The following GRK2 variants were observed in gnomAD, a reference collection of about 807,000 sequenced individuals.
GRK2 encodes G protein-coupled receptor kinase 2.
A neutral mutation model predicts 97.8 loss-of-function variants in GRK2; 23 were observed. The ratio of observed to expected loss-of-function variants is 0.24; its 90% CI spans 0.17 to 0.33. The LOEUF (loss-of-function observed/expected upper bound fraction) is 0.33. Among genes scored for constraint, GRK2 ranks in the 10% least tolerant of loss-of-function variants. The pLI is 1.00. For synonymous variants in GRK2, 425 were observed against 381.7 expected, an observed-to-expected ratio of 1.11 and a Z score of -1.32; for missense variants, 633 against 956.9, an observed-to-expected ratio of 0.66 and a Z score of 4.47.
rs926039367 is a variant in GRK2, at chr11:67,283,514, T to G, written c.1329-193T>G. ...CATTTATTAAGCACTGGGCATAGGG[T>G]TGCAAAATTTACCAGTGTTAAAACC... On this transcript the variant is annotated intron_variant, in intron 15 of 20. Coordinates refer to ENST00000308595, the MANE Select transcript of GRK2 (RefSeq NM_001619.5). The G allele has an allele frequency of 9.5e-6, 6 of 631,742 alleles. No homozygotes were observed. The African/African-American group carries it at 1.1e-4, about 12-fold the overall frequency. The allele number at this position is 631,742 out of a possible 1,614,324, so 39.1% of individuals were successfully genotyped here. A position where few individuals can be genotyped will look rare whatever the true frequency, so the allele number is the denominator to read the frequency against.
intron 6 of GRK2, chr11:67,280,277 C>T (rs1860121072): frequency 2.6e-6 from 1 of 384,192 alleles, no homozygotes; most frequent in Non-Finnish European, 4.8e-6. Flanking sequence ...CCCCGTGACC[C>T]TCACAGCCAG....
At chr11:67,280,518 G>A (rs1033912709) in intron 6 of GRK2, 9 of 606,502 alleles carry the variant, frequency 1.5e-5, no homozygotes, top group Non-Finnish European at 2.3e-5. Context: ...CCAGGTGGCC[G>A]AGGGCCATGC....
intron 6 of GRK2, chr11:67,280,183 G>T: frequency 2.0e-6 from 1 of 507,066 alleles, no homozygotes. Flanking sequence ...TTTCTCTCCC[G>T]TGGGCTGTAT....
Position 67,272,926 on chromosome 11 carries a change from A to G in GRK2, c.114-4346A>G, listed in dbSNP as rs1368029168. On this transcript the variant is annotated intron_variant, in intron 1 of 20. Coordinates refer to ENST00000308595, the MANE Select transcript of GRK2 (RefSeq NM_001619.5). The stretch of plus-strand genomic sequence containing the variant: ...CAAATGTGGAGCAGAGGCTTGAGCA[A>G]GACCAGTTACTGTGTGATTCTAGCA... Among the ~76,000 whole-genome samples, 5 of 152,250 alleles carry G rather than the reference A, an allele frequency of 3.3e-5. No homozygotes were observed. The East Asian group carries it at 9.6e-4, about 29-fold the overall frequency.
Position 67,281,306 on chromosome 11 carries a change from T to TA in GRK2, c.647+123dup. On this transcript the variant is annotated intron_variant, in intron 8 of 20. Transcript: ENST00000308595. The surrounding 1 kb of genome is among the most constrained non-coding windows in gnomAD (Gnocchi z 5.7). ...ATGCACTCCTGTCTTGCCGTGCTGT[T>TA]ACCCCCGCAGGCTCCTCTGGCCCCA... 3 of 1,088,856 alleles carry TA rather than the reference T, an allele frequency of 2.8e-6. No individual in the cohort carries two copies. Among genetic ancestry groups the TA allele is most frequent in the Non-Finnish European group, 4.1e-6 (3 of 738,128 alleles). The allele number at this position is 1,088,856 out of a possible 1,614,324, so 67.4% of individuals were successfully genotyped here.
chr11:67,281,205 G>C lies in GRK2; in HGVS notation c.647+21G>C. 1 of 1,600,852 alleles carries C rather than the reference G, an allele frequency of 6.2e-7. No individual in the cohort carries two copies. ...AAGATGTGAGCACCCTGCTCGGCGC[G>C]GTGGGATACCTCGGGGAGCCGGGCT... On this transcript the variant is annotated intron_variant, in intron 8 of 20. Coordinates refer to ENST00000308595, the MANE Select transcript of GRK2 (RefSeq NM_001619.5). The surrounding 1 kb of genome is among the most constrained non-coding windows in gnomAD (Gnocchi z 5.7).
chr11:67,284,968 C>T lies in GRK2; in HGVS notation c.1776C>T (p.Gly592=), dbSNP rs758373803. The change falls in exon 19 of 21, where the codon GGC becomes GGT. Residue 592 remains glycine (G), a synonymous_variant. Transcript: ENST00000308595. ...TCCCCAACCGCCTCGAGTGGCGGGG[C>T]GAGGGCGAGGCCCCGGTAAGGAGCC... ...YLFPNRLEWR[G]EGEAPQSLLT... is the part of the protein sequence containing the mutation. 1.9e-5 allele frequency: 30 copies of T among 1,604,760 alleles called. No individual in the cohort carries two copies. Among genetic ancestry groups the T allele is most frequent in the East Asian group, 2.3e-5 (1 of 44,364 alleles).
At position 67,280,640 on chromosome 11, in the gene GRK2, C is replaced by T. The variant is rs576096275; in HGVS notation, c.504-92C>T. The T allele has an allele frequency of 1.0e-5, 15 of 1,439,778 alleles. No homozygotes were observed. In the Admixed American group the frequency reaches 2.5e-4, roughly 24 times the overall value. 89.2% of individuals were successfully genotyped at this position (1,439,778 alleles called of 1,614,324 possible). ...GTTTCCACACCTACCCTCACGGGAC[C>T]CCAGGGAGTGGCGGCTGGGTGGGGA... On this transcript the variant is annotated intron_variant, in intron 6 of 20. Coordinates refer to ENST00000308595, the MANE Select transcript of GRK2 (RefSeq NM_001619.5).
chr11:67,277,423 C>T (rs1369210508), intron 2 of GRK2, 75 bp downstream of exon 2: 2 of 1,365,920 alleles, frequency 1.5e-6, no homozygotes, highest in East Asian at 4.6e-5. Context: ...AGCTGTGCTC[C>T]CCACTCTCCA....
rs377671393 is a variant in GRK2, at chr11:67,279,875, G to A, written c.478G>A (p.Asp160Asn). The change falls in exon 6 of 21, where the codon GAC becomes AAC. Residue 160 changes from aspartate (D) to asparagine (N), a missense_variant. Physicochemically the swap from Asp to Asn is conservative, Grantham distance 23 (BLOSUM62 1). Coordinates refer to ENST00000308595, the MANE Select transcript of GRK2 (RefSeq NM_001619.5). Reference sequence around the variant, plus strand: ...AGAGATTTGTCAAAACCTCCGAGGGGACGTGTTCCAGAAATTCATTGAGAG... The same window carrying A: ...AGAGATTTGTCAAAACCTCCGAGGGAACGTGTTCCAGAAATTCATTGAGAG... ...IEEICQNLRG[D>N]VFQKFIESDK... 5.6e-6 allele frequency: 9 copies of A among 1,614,032 alleles called. No homozygotes were observed. The African/African-American group carries it at 1.1e-4, about 19-fold the overall frequency.
At chr11:67,267,093 CT>C in intron 1 of GRK2, among the ~76,000 whole-genome samples, 1 of 152,264 alleles carries the variant, frequency 6.6e-6, no homozygotes, top group South Asian at 2.1e-4. Context: ...CGCCCTGCTG[CT>C]TCCTTATCGT....
chr11:67,276,416 G>C lies in GRK2; in HGVS notation c.114-856G>C, dbSNP rs573666284. 1.7e-4 allele frequency: 26 copies of C among 152,272 alleles called. No homozygotes were observed. Among genetic ancestry groups the C allele is most frequent in the African/African-American group, 6.3e-4 (26 of 41,502 alleles). The allele number at this position is 152,272 out of a possible 1,614,324, so 9.4% of individuals were successfully genotyped here. A position where few individuals can be genotyped will look rare whatever the true frequency, so the allele number is the denominator to read the frequency against. ...GCGCTCCCAGACAGCACTCAGTGTG[G>C]GGTGAGATAAACAGGGTGGGGGATG... On this transcript the variant is annotated intron_variant, in intron 1 of 20. Transcript: ENST00000308595. The surrounding 1 kb of genome is among the most constrained non-coding windows in gnomAD (Gnocchi z 4.2).
Position 67,282,033 on chromosome 11 carries a change from A to G in GRK2, c.957+81A>G. 6.3e-7 allele frequency: 1 copy of G among 1,577,994 alleles called. No individual in the cohort carries two copies. Among genetic ancestry groups the G allele is most frequent in the Non-Finnish European group, 8.7e-7 (1 of 1,155,044 alleles). On this transcript the variant is annotated intron_variant, in intron 11 of 20. Transcript: ENST00000308595. This position sits in a 1 kb window ranked among gnomAD's most constrained non-coding sequence, Gnocchi z 6.9. Reference sequence around the variant, plus strand: ...TCGACATCCCGGCCACCAGGCCCAGAGGAGTGGGGCTCCTGGGACATGGCC... The same window carrying G: ...TCGACATCCCGGCCACCAGGCCCAGGGGAGTGGGGCTCCTGGGACATGGCC...
At chr11:67,274,009 C>CTTT (rs1186824487) in intron 1 of GRK2, among the ~76,000 whole-genome samples, 30 of 126,742 alleles carry the variant, frequency 2.4e-4, no homozygotes, top group South Asian at 5.0e-4. Flanking sequence ...AAACTGGCAC[C>CTTT]TTTTTTTTTT....
In GRK2 at chr11:67,279,228, G is replaced by A. The variant is rs1340868538; in HGVS notation, c.219G>A (p.Leu73=). The A allele has an allele frequency of 1.2e-6, 2 of 1,613,590 alleles. No homozygotes were observed. The highest frequency in any genetic ancestry group is 1.7e-6 in the Non-Finnish European group (2 of 1,179,990). The change falls in exon 3 of 21, where the codon CTG becomes CTA. Residue 73 remains leucine, a synonymous_variant. Coordinates refer to ENST00000308595, the MANE Select transcript of GRK2 (RefSeq NM_001619.5). ...ACCTGCTCTTCCGAGACTTCTGCCT[G>A]AACCACCTGGAGGAGGCCAGGCCCT... is the stretch of plus-strand genomic sequence containing the variant. The part of the protein sequence containing the change: ...LGYLLFRDFC[L]NHLEEARPLV...
At chr11:67,280,913 A>C in intron 7 of GRK2, 130 bp downstream of exon 7, 2 of 1,228,874 alleles carry the variant, frequency 1.6e-6, no homozygotes, top group Non-Finnish European at 2.4e-6. Flanking sequence ...GGCCGTGGCT[A>C]TGGGGGTCAG....
chr11:67,281,137 G>A lies in GRK2; in HGVS notation c.600G>A (p.Gly200=). Residue 200 remains glycine (G), a synonymous_variant, in exon 8 of 21, where the codon GGG becomes GGA. Transcript: ENST00000308595. The surrounding 1 kb of genome is among the most constrained non-coding windows in gnomAD (Gnocchi z 5.7). ...DFSVHRIIGR[G]GFGEVYGCRK... is the part of the protein sequence containing the mutation. The stretch of plus-strand genomic sequence containing the variant: ...GCGTGCATCGCATCATTGGGCGCGG[G>A]GGCTTTGGCGAGGTCTATGGGTGCC... 6.2e-7 allele frequency: 1 copy of A among 1,613,528 alleles called. No homozygotes were observed. The highest frequency in any genetic ancestry group is 8.5e-7 in the Non-Finnish European group (1 of 1,179,808).
intron 1 of GRK2, 66 bp from the exon 2 acceptor site, chr11:67,277,206 G>A (rs1187670597): frequency 1.8e-5 from 28 of 1,547,918 alleles, no homozygotes; most frequent in East Asian, 2.2e-5. Context: ...CTCAGCTCGC[G>A]TTTCTGGGCC....
At position 67,279,232 on chromosome 11, in the gene GRK2, C is replaced by T; in HGVS notation, c.223C>T (p.His75Tyr). 6.2e-7 allele frequency: 1 copy of T among 1,613,654 alleles called. No homozygotes were observed. Among genetic ancestry groups the T allele is most frequent in the South Asian group, 1.1e-5 (1 of 91,084 alleles). The change falls in exon 3 of 21, where the codon CAC becomes TAC. Residue 75 changes from histidine to tyrosine, a missense_variant. By Grantham distance (83) the His-to-Tyr change is moderately conservative (BLOSUM62 2). Coordinates refer to ENST00000308595, the MANE Select transcript of GRK2 (RefSeq NM_001619.5). ...YLLFRDFCLN[H>Y]LEEARPLVEF... ...GCTCTTCCGAGACTTCTGCCTGAAC[C>T]ACCTGGAGGAGGCCAGGCCCTTGGT...
Sources: allele counts gnomAD v4.1 joint callset (sites outside exome capture counted in the v4.1 genomes callset), GRCh38; gene constraint gnomAD v4.1.1; non-coding constraint Gnocchi (gnomAD v3.1); transcripts MANE v1.5; gene names NCBI Gene and HGNC (gene_info 2026-07-23, HGNC 2026-07-21).